The following ANGPT1 variants were observed in gnomAD, a reference collection of about 807,000 sequenced individuals.
ANGPT1 encodes angiopoietin 1.
Under a neutral mutation model 62.2 loss-of-function variants are expected in ANGPT1, and 17 were observed. The observed-to-expected ratio is 0.27, with a 90% confidence interval of 0.19 to 0.41. The LOEUF (loss-of-function observed/expected upper bound fraction) is 0.41, where lower values mean the gene tolerates loss of function less well. ANGPT1 is among the 10% of genes least tolerant of loss of function. The pLI, the probability that ANGPT1 is intolerant of heterozygous loss-of-function variation, is 1.00. For synonymous variants in ANGPT1, 199 were observed against 198.9 expected (o/e 1.00, Z 0.00); for missense variants, 478 against 594.9 (o/e 0.80, Z 2.04).
intron 2 of ANGPT1, 144 bp from the exon 3 acceptor site, chr8:107,336,415 C>T: frequency 7.8e-7 from 1 of 1,280,324 alleles, no homozygotes; most frequent in Non-Finnish European, 9.9e-7. Context: ...CCTGTAATCC[C>T]AGCACTTTGG....
chr8:107,326,433 CT>C (rs1815290716), intron 3 of ANGPT1, among the ~76,000 whole-genome samples: 1 of 152,098 alleles, frequency 6.6e-6, no homozygotes. Flanking sequence ...TTAATGACAA[CT>C]TTTTAGACTT....
At chr8:107,452,964 G>T (rs1811817826) in intron 1 of ANGPT1, among the ~76,000 whole-genome samples, 1 of 151,982 alleles carries the variant, frequency 6.6e-6, no homozygotes, top group African/African-American at 2.4e-5. Context: ...ATTTATATAA[G>T]CCTATTTTCC....
intron 1 of ANGPT1, among the ~76,000 whole-genome samples, chr8:107,409,980 TCCATC>T (rs1817232576): frequency 7.7e-6 from 1 of 130,382 alleles, no homozygotes; most frequent in South Asian, 2.3e-4. Flanking sequence ...CATCCATCCA[TCCATC>T]CAACCATCCA....
At chr8:107,441,299 A>G (rs948345595) in intron 1 of ANGPT1, among the ~76,000 whole-genome samples, 1 of 152,194 alleles carries the variant, frequency 6.6e-6, no homozygotes, top group Non-Finnish European at 1.5e-5. Context: ...TTCAACATAC[A>G]TACTGGTTTA....
intron 1 of ANGPT1, among the ~76,000 whole-genome samples, chr8:107,396,517 C>CTTTTTTTTT (rs10686360): frequency 3.7e-4 from 31 of 84,846 alleles, no homozygotes; most frequent in East Asian, 8.2e-4. Context: ...TCTTTTCTCT[C>CTTTTTTTTT]TTTTTTTTTT....
intron 7 of ANGPT1, among the ~76,000 whole-genome samples, chr8:107,281,400 A>G (rs1220972073): frequency 6.6e-6 from 1 of 152,234 alleles, no homozygotes; most frequent in Non-Finnish European, 1.5e-5. Context: ...AAAACCTAGT[A>G]TGAATTTCAT....
chr8:107,427,140 T>C (rs1434467095), intron 1 of ANGPT1, among the ~76,000 whole-genome samples: 5 of 152,178 alleles, frequency 3.3e-5, no homozygotes, highest in African/African-American at 1.2e-4. Flanking sequence ...GCCTGGGATA[T>C]AGTGGGCTTG....
chr8:107,346,997 C>T lies in ANGPT1; in HGVS notation c.398G>A (p.Ser133Asn), dbSNP rs559521639. 1 of 1,613,914 alleles carries T rather than the reference C, an allele frequency of 6.2e-7. No individual in the cohort carries two copies. Among genetic ancestry groups the T allele is most frequent in the East Asian group, 2.2e-5 (1 of 44,860 alleles). ...CTGCTCTGCAGTCTGAGAGAGGAGG[C>T]TGGTTCCTATCTCCAGCATGGTAGC... ...HTATMLEIGTSLLSQTAEQTR... is the reference protein window; with the variant it reads ...HTATMLEIGTNLLSQTAEQTR... The change falls in exon 2 of 9, where the codon AGC becomes AAC. Residue 133 changes from serine to asparagine, a missense_variant. By Grantham distance (46) the Ser-to-Asn change is conservative. Transcript: ENST00000517746.
chr8:107,402,352 G>T (rs931525094), intron 1 of ANGPT1, among the ~76,000 whole-genome samples: 2 of 152,138 alleles, frequency 1.3e-5, no homozygotes, highest in Non-Finnish European at 2.9e-5. Context: ...AAGGCAAACC[G>T]AGTGGATCCT....
chr8:107,293,251 T>C lies in ANGPT1; in HGVS notation c.1038+685A>G, dbSNP rs529843743. On this transcript the variant is annotated intron_variant, in intron 6 of 8. Transcript: ENST00000517746. ...GATGATGATGATGCCTGCTGTTATT[T>C]TGCAGACCCCAGTGAGCCATGGCTC... is the stretch of plus-strand genomic sequence containing the variant. Among the ~76,000 whole-genome samples the C allele has an allele frequency of 2.2e-3, 338 of 151,982 alleles. 3 individuals carry two copies. Among genetic ancestry groups the C allele is most frequent in the African/African-American group, 7.6e-3 (317 of 41,460 alleles).
At chr8:107,317,628 A>AT (rs60047500) in intron 4 of ANGPT1, among the ~76,000 whole-genome samples, 3 of 84,924 alleles carry the variant, frequency 3.5e-5, no homozygotes, top group African/African-American at 4.9e-5. Context: ...ATTTATTTTT[A>AT]TTTTTATTTT....
At chr8:107,267,470 G>A (rs908230350) in intron 7 of ANGPT1, among the ~76,000 whole-genome samples, 1 of 152,068 alleles carries the variant, frequency 6.6e-6, no homozygotes, top group Non-Finnish European at 1.5e-5. Flanking sequence ...TCAATGCTAT[G>A]TTAGGCTATC....
At chr8:107,293,144 A>G (rs999053051) in intron 6 of ANGPT1, among the ~76,000 whole-genome samples, 1 of 152,116 alleles carries the variant, frequency 6.6e-6, no homozygotes, top group Non-Finnish European at 1.5e-5. Context: ...TTAAAAATTG[A>G]TAAGAAATTA....
At chr8:107,417,278 G>A (rs1810778883) in intron 1 of ANGPT1, among the ~76,000 whole-genome samples, 1 of 152,074 alleles carries the variant, frequency 6.6e-6, no homozygotes, top group Non-Finnish European at 1.5e-5. Flanking sequence ...TTGCTAAGAG[G>A]GAGGAGTCAT....
chr8:107,392,048 A>G (rs1586283981), intron 1 of ANGPT1, among the ~76,000 whole-genome samples: 1 of 152,158 alleles, frequency 6.6e-6, no homozygotes, highest in East Asian at 1.9e-4. Context: ...TGTATTTTTA[A>G]AAATAATAAT....
intron 1 of ANGPT1, among the ~76,000 whole-genome samples, chr8:107,377,931 A>G (rs1370558335): frequency 1.1e-4 from 8 of 69,586 alleles, no homozygotes; most frequent in Non-Finnish European, 7.7e-5. Context: ...ATGAAAAAAA[A>G]ACATATCAGT....
intron 1 of ANGPT1, among the ~76,000 whole-genome samples, chr8:107,371,483 T>C (rs1816410500): frequency 6.6e-6 from 1 of 152,078 alleles, no homozygotes; most frequent in South Asian, 2.1e-4. Context: ...TTGTGGTTTG[T>C]GGTGGAGGCT....
At chr8:107,252,051 A>G (rs2129977464) in intron 8 of ANGPT1, 36 bp from the exon 9 acceptor site, 1 of 1,583,890 alleles carries the variant, frequency 6.3e-7, no homozygotes, top group Non-Finnish European at 8.6e-7. Context: ...AGAGAAGGAG[A>G]GGCAACAATT....
intron 7 of ANGPT1, among the ~76,000 whole-genome samples, chr8:107,268,709 A>G (rs920126945): frequency 1.3e-5 from 2 of 152,118 alleles, no homozygotes; most frequent in Admixed American, 6.6e-5. Context: ...ATTATTTTTT[A>G]AAAAAGAAAT....
Sources: gnomAD v4.1 joint callset for allele counts (sites outside exome capture counted in the v4.1 genomes callset) on GRCh38, gnomAD v4.1.1 for gene constraint, MANE v1.5 for transcripts, NCBI Gene and HGNC (gene_info 2026-07-23, HGNC 2026-07-21) for gene names.